The following SLC17A1 variants were observed in gnomAD, a reference collection of about 807,000 sequenced individuals.
SLC17A1 encodes solute carrier family 17 member 1.
Under a neutral mutation model 53.5 loss-of-function variants are expected in SLC17A1, and 51 were observed. The ratio of observed to expected loss-of-function variants is 0.95; its 90% CI spans 0.76 to 1.20. The LOEUF (loss-of-function observed/expected upper bound fraction) is 1.20. Ranked by LOEUF, SLC17A1 falls within the 50% of genes most tolerant of loss-of-function variation. The pLI is 0.00. For synonymous variants in SLC17A1, 179 were observed against 198.8 expected (o/e 0.90, Z 0.84); for missense variants, 538 against 568.2 (o/e 0.95, Z 0.54).
At chr6:25,752,356 G>C in the SLC17A1 span, among the ~76,000 whole-genome samples, 18 of 152,280 alleles carry the variant, frequency 1.2e-4, no homozygotes, top group Admixed American at 4.6e-4. Context: ...AAAAGGTACA[G>C]TAAAAAGATA....
the SLC17A1 span, among the ~76,000 whole-genome samples, chr6:25,755,136 G>GT: frequency 6.6e-6 from 1 of 151,786 alleles, no homozygotes; most frequent in Non-Finnish European, 1.5e-5. Flanking sequence ...TATTTGGATT[G>GT]TTTTTGTGAA....
the SLC17A1 span, chr6:25,770,046 G>A: frequency 6.2e-7 from 1 of 1,607,904 alleles, no homozygotes; most frequent in East Asian, 2.2e-5. Context: ...AAGACAAACA[G>A]TAACTCTCTT....
At chr6:25,739,085 T>TACA in the SLC17A1 span, among the ~76,000 whole-genome samples, 1 of 151,930 alleles carries the variant, frequency 6.6e-6, no homozygotes, top group Non-Finnish European at 1.5e-5. Context: ...TTTGGGCTGC[T>TACA]ACAACAAAAA....
the SLC17A1 span, among the ~76,000 whole-genome samples, chr6:25,771,314 C>T: frequency 6.6e-6 from 1 of 152,148 alleles, no homozygotes; most frequent in Admixed American, 6.6e-5. Context: ...TAGCTCATGC[C>T]TGTAATCCCA....
the SLC17A1 span, among the ~76,000 whole-genome samples, chr6:25,724,633 A>C: frequency 2.6e-5 from 4 of 152,246 alleles, no homozygotes; most frequent in Middle Eastern, 3.2e-3. Flanking sequence ...GTTCTCTTCT[A>C]TAAAGTCAAG....
At chr6:25,759,901 A>G in the SLC17A1 span, among the ~76,000 whole-genome samples, 1 of 152,220 alleles carries the variant, frequency 6.6e-6, no homozygotes, top group Non-Finnish European at 1.5e-5. Flanking sequence ...GCATTTAACT[A>G]TGCAAATATT....
intron 1 of SLC17A1, among the ~76,000 whole-genome samples, chr6:25,831,131 C>CATT (rs1764931323): frequency 6.6e-6 from 1 of 152,162 alleles, no homozygotes; most frequent in Admixed American, 6.5e-5. Flanking sequence ...TCATTCGTTA[C>CATT]ACGTCCACAT....
chr6:25,831,143 C>T (rs943541151), intron 1 of SLC17A1, among the ~76,000 whole-genome samples: 3 of 152,284 alleles, frequency 2.0e-5, no homozygotes, highest in Middle Eastern at 3.4e-3. Flanking sequence ...CGTCCACATG[C>T]CCCTGTCCGT....
At chr6:25,813,882 A>AG (rs1764246277) in intron 6 of SLC17A1, among the ~76,000 whole-genome samples, 1 of 152,196 alleles carries the variant, frequency 6.6e-6, no homozygotes, top group South Asian at 2.1e-4. Flanking sequence ...AATGGCCCCC[A>AG]GCTCCATCCA....
At chr6:25,790,587 A>G (rs1312287313) in intron 12 of SLC17A1, among the ~76,000 whole-genome samples, 2 of 152,164 alleles carry the variant, frequency 1.3e-5, no homozygotes, top group African/African-American at 4.8e-5. Flanking sequence ...AGTATATTTT[A>G]TTAATAAATC....
At chr6:25,737,526 T>C in the SLC17A1 span, among the ~76,000 whole-genome samples, 1 of 152,166 alleles carries the variant, frequency 6.6e-6, no homozygotes, top group African/African-American at 2.4e-5. Context: ...CTGTTTTACA[T>C]GTATTAAACT....
At chr6:25,782,234 G>T (rs1326032808), downstream of SLC17A1, among the ~76,000 whole-genome samples, 1 of 152,158 alleles carries the variant, frequency 6.6e-6, no homozygotes, top group Non-Finnish European at 1.5e-5. Context: ...GAAAGAAAAA[G>T]GTCTGAAGTG....
At chr6:25,757,659 G>A in the SLC17A1 span, among the ~76,000 whole-genome samples, 4 of 152,096 alleles carry the variant, frequency 2.6e-5, no homozygotes, top group Non-Finnish European at 4.4e-5. Context: ...CTTGCTAGCT[G>A]TGGCTTCTGA....
chr6:25,808,425 A>G (rs1019063807), intron 10 of SLC17A1, among the ~76,000 whole-genome samples: 8 of 152,042 alleles, frequency 5.3e-5, no homozygotes, highest in African/African-American at 1.7e-4. Flanking sequence ...TGGATGCACT[A>G]AAATCTTAGA....
At chr6:25,809,160 T>G (rs1764061075) in intron 10 of SLC17A1, among the ~76,000 whole-genome samples, 1 of 151,928 alleles carries the variant, frequency 6.6e-6, no homozygotes, top group Non-Finnish European at 1.5e-5. Flanking sequence ...GAAAACCAAA[T>G]ACTGCAAGTT....
At chr6:25,791,192 A>G (rs1158184080) in intron 12 of SLC17A1, among the ~76,000 whole-genome samples, 2 of 152,112 alleles carry the variant, frequency 1.3e-5, no homozygotes, top group African/African-American at 2.4e-5. Flanking sequence ...ATAACTACCA[A>G]TTTCTCCCCA....
chr6:25,733,558 T>C, the SLC17A1 span, among the ~76,000 whole-genome samples: 1 of 152,226 alleles, frequency 6.6e-6, no homozygotes, highest in Non-Finnish European at 1.5e-5. Flanking sequence ...AGGTATGTGA[T>C]ACCTTACTTA....
chr6:25,801,204 A>G (rs1350888886), intron 10 of SLC17A1, among the ~76,000 whole-genome samples: 9 of 152,234 alleles, frequency 5.9e-5, no homozygotes, highest in Non-Finnish European at 1.2e-4. Context: ...GATGATATTA[A>G]TAAAATGGGA....
At chr6:25,820,568 A>G (rs926330232) in intron 3 of SLC17A1, among the ~76,000 whole-genome samples, 2 of 152,066 alleles carry the variant, frequency 1.3e-5, no homozygotes, top group South Asian at 2.1e-4. Flanking sequence ...AGGGCCTTCT[A>G]TTGTTTCTTT....
Sources: gnomAD v4.1 joint callset for allele counts (sites outside exome capture counted in the v4.1 genomes callset) on GRCh38, gnomAD v4.1.1 for gene constraint, MANE v1.5 for transcripts, NCBI Gene and HGNC (gene_info 2026-07-23, HGNC 2026-07-21) for gene names.